The following PRMT8 variants were observed in gnomAD, a reference collection of about 807,000 sequenced individuals.
PRMT8 encodes the protein protein arginine methyltransferase 8.
A neutral mutation model predicts 47.1 loss-of-function variants in PRMT8; 7 were observed. The observed-to-expected ratio is 0.15, with a 90% CI of 0.08 to 0.28. PRMT8 has a LOEUF of 0.28. Ranked by LOEUF, PRMT8 falls within the 10% of genes least tolerant of loss-of-function variation. The pLI is 1.00. For synonymous variants in PRMT8, 188 were observed against 186.5 expected (o/e 1.01, Z -0.07); for missense variants, 237 against 505.4 (o/e 0.47, Z 5.09).
At chr12:3,507,246 C>T (rs576540109) in intron 1 of PRMT8, among the ~76,000 whole-genome samples, 76 of 151,774 alleles carry the variant, frequency 5.0e-4, no homozygotes, top group Non-Finnish European at 8.5e-4. Context: ...CTCAGCCTCC[C>T]GAGTAGCTGA....
intron 1 of PRMT8, among the ~76,000 whole-genome samples, chr12:3,531,175 G>GT (rs112192008): frequency 0.043 from 6,575 of 152,262 alleles, 172 homozygotes; most frequent in Middle Eastern, 0.11. Flanking sequence ...CAAGGTGAGG[G>GT]TAAGAGAGGA....
chr12:3,559,285 C>T (rs1206320010), intron 4 of PRMT8, among the ~76,000 whole-genome samples: 1 of 152,150 alleles, frequency 6.6e-6, no homozygotes, highest in Non-Finnish European at 1.5e-5. Context: ...ACATTCCAGG[C>T]TTGTCTTGTG....
chr12:3,397,981 C>CCGTCCATCA (rs1864276248), intron 1 of PRMT8, among the ~76,000 whole-genome samples: 1 of 152,110 alleles, frequency 6.6e-6, no homozygotes, highest in Non-Finnish European at 1.5e-5. Context: ...TTTCCAGGTG[C>CCGTCCATCA]CGTCCATCAC....
chr12:3,544,612 C>T lies in PRMT8; in HGVS notation c.261+3821C>T, dbSNP rs74056223. Reference sequence around the variant, plus strand: ...GGCTGGGGGTACTTATAGGTATGGGCGGGAGGGGTCTGGGCAGTGTGGCTC... The same window carrying T: ...GGCTGGGGGTACTTATAGGTATGGGTGGGAGGGGTCTGGGCAGTGTGGCTC... On this transcript the variant is annotated intron_variant, in intron 2 of 9. Coordinates refer to ENST00000382622, the MANE Select transcript of PRMT8 (RefSeq NM_019854.5). 2.4e-3 allele frequency among the ~76,000 whole-genome samples: 366 copies of T among 152,124 alleles called. 4 individuals carry two copies. Among genetic ancestry groups the T allele is most frequent in the African/African-American group, 6.3e-3 (260 of 41,518 alleles).
At chr12:3,553,315 G>C (rs3825340) in intron 3 of PRMT8, 42,139 of 360,398 alleles carry the variant, frequency 0.12, 3,099 homozygotes, top group Non-Finnish European at 0.15. Flanking sequence ...CGTCCCCCAC[G>C]GTGGGGAGGA....
intron 1 of PRMT8, among the ~76,000 whole-genome samples, chr12:3,521,009 G>A (rs1591582327): frequency 6.6e-6 from 1 of 152,170 alleles, no homozygotes; most frequent in African/African-American, 2.4e-5. Flanking sequence ...CAGGCTTGTG[G>A]ATAAAGCTGC....
At chr12:3,512,458 A>G (rs1006837217) in intron 1 of PRMT8, among the ~76,000 whole-genome samples, 3 of 151,668 alleles carry the variant, frequency 2.0e-5, no homozygotes, top group African/African-American at 7.3e-5. Context: ...TTTCCTTCCA[A>G]TTTGCTCATC....
At chr12:3,559,847 T>C (rs958816448) in intron 4 of PRMT8, among the ~76,000 whole-genome samples, 2 of 152,164 alleles carry the variant, frequency 1.3e-5, no homozygotes, top group African/African-American at 4.8e-5. Context: ...ACCCCTACCA[T>C]TTCCTGGGTT....
rs964636877 is a variant in PRMT8, at chr12:3,538,554, G to C, written c.76-2052G>C. ...CATGGAAAAGAGAGCCTTGGAACCA[G>C]AGTGGAGTGACAGCTAAGGGGTGCT... On this transcript the variant is annotated intron_variant, in intron 1 of 9. Coordinates refer to ENST00000382622, the MANE Select transcript of PRMT8 (RefSeq NM_019854.5). The surrounding 1 kb of genome is among the most constrained non-coding windows in gnomAD (Gnocchi z 4.6). 2 of 509,356 alleles carry C rather than the reference G, an allele frequency of 3.9e-6. No homozygotes were observed. Among genetic ancestry groups the C allele is most frequent in the African/African-American group, 3.9e-5 (2 of 51,708 alleles). 31.6% of individuals were successfully genotyped at this position (509,356 alleles called of 1,614,324 possible).
chr12:3,539,324 C>T (rs1242718893), intron 1 of PRMT8, among the ~76,000 whole-genome samples: 1 of 152,040 alleles, frequency 6.6e-6, no homozygotes, highest in African/African-American at 2.4e-5. Context: ...AAATTATTTC[C>T]CAAGGTCACA....
In PRMT8 at chr12:3,552,767, A is replaced by C; in HGVS notation, c.418-884A>C. 2.1e-6 allele frequency: 1 copy of C among 477,220 alleles called. No individual in the cohort carries two copies. The highest frequency in any genetic ancestry group is 4.2e-6 in the Non-Finnish European group (1 of 238,082). The allele number at this position is 477,220 out of a possible 1,614,324, so 29.6% of individuals were successfully genotyped here. A position where few individuals can be genotyped will look rare whatever the true frequency, so the allele number is the denominator to read the frequency against. On this transcript the variant is annotated intron_variant, in intron 3 of 9. Transcript: ENST00000382622. This position sits in a 1 kb window ranked among gnomAD's most constrained non-coding sequence, Gnocchi z 4.5. ...GAAACTCCCTCAGTGCCCCTTTGCG[A>C]GTACTTCTCAAGGGAATGGTCCCTG...
intron 1 of PRMT8, among the ~76,000 whole-genome samples, chr12:3,507,987 A>G (rs2137126206): frequency 6.6e-6 from 1 of 152,020 alleles, no homozygotes; most frequent in East Asian, 1.9e-4. Context: ...GGTGTAGGGG[A>G]GAGTATAATA....
rs78528918 is a variant in PRMT8 at position 3,570,412 on chromosome 12, A to G, written c.712+848A>G. The stretch of plus-strand genomic sequence containing the variant: ...AACAAAGGAGCAAAGAACCCCTCAA[A>G]CAGGCAAACACCCAAAAATCCAAAT... On this transcript the variant is annotated intron_variant, in intron 6 of 9. Transcript: ENST00000382622. This position sits in a 1 kb window ranked among gnomAD's most constrained non-coding sequence, Gnocchi z 5.5. Among the ~76,000 whole-genome samples, 1,936 of 152,304 alleles carry G rather than the reference A, an allele frequency of 0.013. 56 individuals carry two copies. The highest frequency in any genetic ancestry group is 0.085 in the East Asian group (440 of 5,174).
rs1401072135 is a variant in PRMT8 at position 3,508,289 on chromosome 12, G to A, written c.75+16589G>A. Among the ~76,000 whole-genome samples the A allele has an allele frequency of 1.3e-5, 2 of 152,116 alleles. No homozygotes were observed. The highest frequency in any genetic ancestry group is 6.5e-5 in the Admixed American group (1 of 15,270). On this transcript the variant is annotated intron_variant, in intron 1 of 9. Coordinates refer to ENST00000382622, the MANE Select transcript of PRMT8 (RefSeq NM_019854.5). This position sits in a 1 kb window ranked among gnomAD's most constrained non-coding sequence, Gnocchi z 4.9. ...AGGGTGTCGGGATGTTTCTGTGTGG[G>A]GATATGTACACGCTTCTGAGTCAGT...
intron 1 of PRMT8, among the ~76,000 whole-genome samples, chr12:3,465,837 T>G (rs1337438391): frequency 6.6e-6 from 1 of 152,222 alleles, no homozygotes; most frequent in Non-Finnish European, 1.5e-5. Context: ...TTATTTTGGA[T>G]GGAGAACTCT....
intron 1 of PRMT8, among the ~76,000 whole-genome samples, chr12:3,484,543 C>T (rs1393166245): frequency 1.3e-5 from 2 of 152,230 alleles, no homozygotes; most frequent in Non-Finnish European, 2.9e-5. Context: ...GTTAACAATA[C>T]TATGTCCCAG....
rs1212322826 is a variant in PRMT8 at position 3,456,885 on chromosome 12, A to C, written c.48+75443A>C. 6.6e-6 allele frequency among the ~76,000 whole-genome samples: 1 copy of C among 152,172 alleles called. No individual in the cohort carries two copies. On this transcript the variant is annotated intron_variant, in intron 1 of 9. Coordinates refer to the PRMT8 transcript ENST00000452611. The surrounding 1 kb of genome is among the most constrained non-coding windows in gnomAD (Gnocchi z 4.2). ...TGGGGCTCTCTTAAAGGCTTTAAAC[A>C]CAGAGGACAGGTGCGTCTTTTCTTG... is the stretch of plus-strand genomic sequence containing the variant.
chr12:3,442,950 C>T (rs1306760467), intron 1 of PRMT8, among the ~76,000 whole-genome samples: 1 of 152,118 alleles, frequency 6.6e-6, no homozygotes, highest in African/African-American at 2.4e-5. Context: ...AGCCACCACG[C>T]CCGGCCTTAT....
chr12:3,490,547 G>T (rs891126397), upstream of PRMT8, among the ~76,000 whole-genome samples: 2 of 72,610 alleles, frequency 2.8e-5, no homozygotes, highest in Admixed American at 2.3e-4. Flanking sequence ...AGACTGGAGT[G>T]GGGGGGGGGG....
Sources: allele counts gnomAD v4.1 joint callset (sites outside exome capture counted in the v4.1 genomes callset), GRCh38; gene constraint gnomAD v4.1.1; non-coding constraint Gnocchi (gnomAD v3.1); transcripts MANE v1.5; gene names NCBI Gene and HGNC (gene_info 2026-07-23, HGNC 2026-07-21).